Variants in NINL observed in about 807,000 individuals in gnomAD.
NINL encodes ninein-like protein.
In NINL, 153 loss-of-function variants were observed where a neutral mutation model predicts 160.3. The observed-to-expected ratio is 0.95, with a 90% CI of 0.84 to 1.09. The LOEUF (loss-of-function observed/expected upper bound fraction) is 1.09, where lower values mean the gene tolerates loss of function less well. Ranked by LOEUF, NINL falls within the 50% of genes least tolerant of loss-of-function variation. The pLI is 0.00. For synonymous variants in NINL, 800 were observed against 734.8 expected (o/e 1.09, Z -1.43); for missense variants, 1,829 against 1,764.0 (o/e 1.04, Z -0.66).
intron 1 of NINL, among the ~76,000 whole-genome samples, chr20:25,561,551 C>T (rs960741606): frequency 3.3e-5 from 5 of 150,310 alleles, no homozygotes; most frequent in Admixed American, 3.3e-4. Flanking sequence ...AAGTGAGAAG[C>T]GTCTCTGCCC....
chr20:25,476,630 A>C lies in NINL; in HGVS notation c.2661T>G (p.Ala887=). The part of the protein sequence containing the change: ...PRRRQAQDTE[A]TQSPAPAPAP... ...CAGGGGCGGGGGCCGGGCTCTGCGT[A>C]GCTTCTGTGTCCTGGGCTTGCCTGC... The change falls in exon 17 of 24, where the codon GCT becomes GCG. Residue 887 remains alanine, a synonymous_variant. Transcript: ENST00000278886. 6.3e-7 allele frequency: 1 copy of C among 1,592,220 alleles called. No homozygotes were observed. Among genetic ancestry groups the C allele is most frequent in the Non-Finnish European group, 8.5e-7 (1 of 1,176,036 alleles).
chr20:25,515,589 A>C (rs1165439297), intron 3 of NINL, among the ~76,000 whole-genome samples: 2 of 152,072 alleles, frequency 1.3e-5, no homozygotes, highest in Non-Finnish European at 2.9e-5. Flanking sequence ...GTGCAGGGTG[A>C]AATGATATGG....
intron 1 of NINL, among the ~76,000 whole-genome samples, chr20:25,562,675 A>C (rs1206240206): frequency 6.7e-6 from 1 of 149,320 alleles, no homozygotes; most frequent in Non-Finnish European, 1.5e-5. Context: ...AAAACCAGAG[A>C]CCTTTGTTCA....
intron 2 of NINL, among the ~76,000 whole-genome samples, chr20:25,523,241 T>G (rs1395113602): frequency 1.3e-5 from 2 of 151,838 alleles, no homozygotes; most frequent in African/African-American, 4.8e-5. Flanking sequence ...AGAGAATATA[T>G]ATATATGAGA....
At chr20:25,468,584 A>C (rs1458454795) in intron 18 of NINL, among the ~76,000 whole-genome samples, 7 of 69,752 alleles carry the variant, frequency 1.0e-4, no homozygotes, top group African/African-American at 4.8e-4. Context: ...GTCCCCTGTC[A>C]CTGGTCTGTG....
At chr20:25,505,268 A>C (rs2063940849) in intron 5 of NINL, among the ~76,000 whole-genome samples, 190 bp from the exon 6 acceptor site, 1 of 148,316 alleles carries the variant, frequency 6.7e-6, no homozygotes, top group Non-Finnish European at 1.5e-5. Flanking sequence ...GATCTAAGGA[A>C]AGGGGAACTC....
intron 17 of NINL, among the ~76,000 whole-genome samples, chr20:25,472,963 C>T (rs1257291586): frequency 6.6e-6 from 1 of 152,200 alleles, no homozygotes; most frequent in East Asian, 1.9e-4. Flanking sequence ...AAACTAGGAA[C>T]TACCCAAATG....
intron 23 of NINL, among the ~76,000 whole-genome samples, chr20:25,454,999 G>A (rs943381081): frequency 5.3e-5 from 8 of 152,058 alleles, no homozygotes; most frequent in Admixed American, 4.6e-4. Context: ...GGATACACAC[G>A]ACAGGCACTG....
At chr20:25,582,094 A>G (rs751881051) in intron 1 of NINL, among the ~76,000 whole-genome samples, 2 of 152,032 alleles carry the variant, frequency 1.3e-5, no homozygotes, top group African/African-American at 2.4e-5. Context: ...CGTCTCTACT[A>G]AAATAAAAAA....
At chr20:25,546,225 AC>A (rs892965356) in intron 1 of NINL, among the ~76,000 whole-genome samples, 3 of 152,170 alleles carry the variant, frequency 2.0e-5, no homozygotes, top group African/African-American at 7.2e-5. Flanking sequence ...TTTTCCATTA[AC>A]ACCTTCACAG....
chr20:25,517,935 A>G (rs1238643765), intron 2 of NINL, 86 bp from the exon 3 acceptor site: 2 of 720,762 alleles, frequency 2.8e-6, no homozygotes, highest in Non-Finnish European at 4.5e-6. Flanking sequence ...TTTCTCTCAG[A>G]TAGAAATATA....
rs2065111600 is a variant in NINL, at chr20:25,576,101, TTTACA to T, written c.-12+9349_-12+9353del. Among the ~76,000 whole-genome samples, 3 of 152,256 alleles carry T rather than the reference TTTACA, an allele frequency of 2.0e-5. No individual in the cohort carries two copies. The South Asian group carries it at 6.2e-4, about 31-fold the overall frequency. On this transcript the variant is annotated intron_variant, in intron 1 of 23. Coordinates refer to ENST00000278886, the MANE Select transcript of NINL (RefSeq NM_025176.6). ...TCTGTCCATGGTGCCAACAATGTCC[TTTACA>T]GCTATCTTTTTCACCCCAGTCCAGT...
chr20:25,582,983 A>C (rs778655548), intron 1 of NINL, among the ~76,000 whole-genome samples: 1 of 152,250 alleles, frequency 6.6e-6, no homozygotes, highest in African/African-American at 2.4e-5. Context: ...AAATTAACTC[A>C]AGATGGATTA....
chr20:25,466,565 CA>C (rs903669974), intron 19 of NINL, among the ~76,000 whole-genome samples: 19 of 151,964 alleles, frequency 1.3e-4, no homozygotes, highest in Non-Finnish European at 1.5e-4. Context: ...TTTGGGAGGC[CA>C]AGGCCAGCGG....
rs193262286 is a variant in NINL, at chr20:25,506,442, G to A, written c.518-1364C>T. On this transcript the variant is annotated intron_variant, in intron 5 of 23. Coordinates refer to ENST00000278886, the MANE Select transcript of NINL (RefSeq NM_025176.6). The stretch of plus-strand genomic sequence containing the variant: ...CCTGCCACAGGCTTCTTCTCTACCC[G>A]CTTTTCTTACGGCTGAAGTGTTTAG... Among the ~76,000 whole-genome samples, 552 of 152,296 alleles carry A rather than the reference G, an allele frequency of 3.6e-3. 4 individuals are homozygous for A. Among genetic ancestry groups the A allele is most frequent in the African/African-American group, 0.013 (530 of 41,562 alleles).
intron 1 of NINL, among the ~76,000 whole-genome samples, chr20:25,554,636 C>CAAAACAAAACAAAA (rs1195606239): frequency 5.8e-5 from 5 of 85,800 alleles, no homozygotes; most frequent in African/African-American, 2.9e-4. Flanking sequence ...AAAAAAAAAA[C>CAAAACAAAACAAAA]AAAAAAAAAA....
chr20:25,535,343 G>A (rs943834542), intron 1 of NINL, among the ~76,000 whole-genome samples: 2 of 152,140 alleles, frequency 1.3e-5, no homozygotes, highest in African/African-American at 4.8e-5. Flanking sequence ...ACTGTACAAC[G>A]TGGTGACTAC....
Position 25,512,965 on chromosome 20 carries a change from T to C in NINL, c.319A>G (p.Lys107Glu). Residue 107 changes from lysine to glutamate, a missense_variant, in exon 4 of 24, where the codon AAG becomes GAG. Lys to Glu is a moderately conservative substitution (Grantham distance 56, BLOSUM62 1). Coordinates refer to ENST00000278886, the MANE Select transcript of NINL (RefSeq NM_025176.6). ...GGCCGGCTCCGACGGCCATACCACTTAGAACCATTCACATACTTTGGAGGG... is the reference window on the plus strand; with the variant it reads ...GGCCGGCTCCGACGGCCATACCACTCAGAACCATTCACATACTTTGGAGGG... ...AIPPKYVNGS[K>E]WYGRRSRPEL... The C allele has an allele frequency of 6.2e-7, 1 of 1,612,602 alleles. No homozygotes were observed. Among genetic ancestry groups the C allele is most frequent in the Non-Finnish European group, 8.5e-7 (1 of 1,179,022 alleles).
chr20:25,470,866 G>A (rs1160983635), intron 17 of NINL, among the ~76,000 whole-genome samples: 1 of 152,158 alleles, frequency 6.6e-6, no homozygotes, highest in Non-Finnish European at 1.5e-5. Context: ...AGTAGCTTAA[G>A]ACCCATACTT....
Sources: allele counts gnomAD v4.1 joint callset (sites outside exome capture counted in the v4.1 genomes callset), GRCh38; gene constraint gnomAD v4.1.1; transcripts MANE v1.5; gene names NCBI Gene and HGNC (gene_info 2026-07-23, HGNC 2026-07-21).